LRP1B: variants seen among roughly 807,000 people sequenced by gnomAD.
The protein encoded by LRP1B is low-density lipoprotein receptor-related protein 1B.
Under a neutral mutation model 556.6 loss-of-function variants are expected in LRP1B, and 217 were observed. The ratio of observed to expected loss-of-function variants is 0.39; its 90% CI spans 0.35 to 0.44. The LOEUF (loss-of-function observed/expected upper bound fraction) is 0.44. Ranked by LOEUF, LRP1B falls within the 20% of genes least tolerant of loss-of-function variation. The pLI, the probability that LRP1B is intolerant of heterozygous loss-of-function variation, is 1.00. For missense variants in LRP1B, 5,053 were observed against 5,620.8 expected (o/e 0.90, Z 3.23); for synonymous variants, 2,047 against 1,865.8 (o/e 1.10, Z -2.50).
At chr2:140,882,105 T>A (rs1445989603) in intron 25 of LRP1B, among the ~76,000 whole-genome samples, 1 of 152,188 alleles carries the variant, frequency 6.6e-6, no homozygotes, top group East Asian at 1.9e-4. Flanking sequence ...GTATACATGC[T>A]AGGACTACAA....
intron 35 of LRP1B, among the ~76,000 whole-genome samples, chr2:140,754,590 G>T (rs963248715): frequency 2.0e-5 from 3 of 151,832 alleles, no homozygotes; most frequent in Non-Finnish European, 2.9e-5. Context: ...AGTCAAAAAA[G>T]AAATCACAAG....
intron 66 of LRP1B, among the ~76,000 whole-genome samples, chr2:140,394,499 A>G (rs1684167834): frequency 6.6e-6 from 1 of 152,280 alleles, no homozygotes; most frequent in African/African-American, 2.4e-5. Flanking sequence ...AGCTCAAGAC[A>G]TAACTTTGCA....
intron 2 of LRP1B, among the ~76,000 whole-genome samples, chr2:141,663,920 C>CAAAAAAAAA (rs796406816): frequency 2.6e-5 from 3 of 113,306 alleles, no homozygotes; most frequent in African/African-American, 6.0e-5. Context: ...AGAGATACAT[C>CAAAAAAAAA]AAAAAAAAAA....
intron 3 of LRP1B, among the ~76,000 whole-genome samples, chr2:141,256,242 A>G (rs1460320218): frequency 5.9e-5 from 9 of 152,020 alleles, no homozygotes; most frequent in African/African-American, 1.9e-4. Flanking sequence ...TGGATAGACA[A>G]AATTAATGAG....
chr2:141,289,074 T>C (rs914224452), intron 3 of LRP1B, among the ~76,000 whole-genome samples: 2 of 148,398 alleles, frequency 1.3e-5, no homozygotes, highest in African/African-American at 5.0e-5. Flanking sequence ...AAATAAGTAG[T>C]TGTAGATCTC....
intron 7 of LRP1B, among the ~76,000 whole-genome samples, chr2:141,128,966 A>G (rs1207946751): frequency 6.6e-6 from 1 of 152,194 alleles, no homozygotes; most frequent in Non-Finnish European, 1.5e-5. Flanking sequence ...AAAGAAAAAT[A>G]CTTTTATATG....
rs2105187342 is a variant in LRP1B at position 140,883,946 on chromosome 2, C to T, written c.4040G>A (p.Gly1347Glu). 1 of 1,613,608 alleles carries T rather than the reference C, an allele frequency of 6.2e-7. No individual in the cohort carries two copies. Reference sequence around the variant, plus strand: ...ATTGCTGTCTATCCAGTATATGTTTCCTGCTATCCAGTCGACTGTCAGGCC... The same window carrying T: ...ATTGCTGTCTATCCAGTATATGTTTTCTGCTATCCAGTCGACTGTCAGGCC... The part of the protein sequence containing the change: ...PEGLTVDWIA[G>E]NIYWIDSNLD... Residue 1347 changes from glycine to glutamate, a missense_variant, in exon 25 of 91, where the codon GGA (glycine) becomes GAA (glutamate). Transcript: ENST00000389484.
intron 2 of LRP1B, among the ~76,000 whole-genome samples, chr2:141,679,397 T>C (rs1691024084): frequency 6.6e-6 from 1 of 152,258 alleles, no homozygotes; most frequent in African/African-American, 2.4e-5. Flanking sequence ...AAATAACAAA[T>C]CTAGGAACCA....
chr2:141,061,695 C>T (rs1699340594), intron 8 of LRP1B, among the ~76,000 whole-genome samples: 1 of 151,828 alleles, frequency 6.6e-6, no homozygotes, highest in Admixed American at 6.6e-5. Context: ...GATAGTCCAG[C>T]TCCTCATGAA....
chr2:140,689,184 C>G (rs564640343), intron 41 of LRP1B, among the ~76,000 whole-genome samples: 1 of 152,190 alleles, frequency 6.6e-6, no homozygotes, highest in South Asian at 2.1e-4. Context: ...TGCAACCTAA[C>G]TTCATAGGTA....
intron 32 of LRP1B, among the ~76,000 whole-genome samples, chr2:140,790,028 G>C (rs62173599): frequency 0.43 from 64,994 of 151,696 alleles, 15,657 homozygotes; most frequent in East Asian, 0.66. Context: ...TGCTCAAATA[G>C]CATCTTCTCA....
chr2:140,799,036 T>A (rs990574771), intron 32 of LRP1B, among the ~76,000 whole-genome samples: 2 of 152,190 alleles, frequency 1.3e-5, no homozygotes, highest in South Asian at 2.1e-4. Context: ...TTAAAAAATA[T>A]ATAATTAATT....
chr2:141,233,433 T>C (rs1573689846), intron 5 of LRP1B, among the ~76,000 whole-genome samples: 1 of 152,212 alleles, frequency 6.6e-6, no homozygotes. Context: ...TGTATGATCA[T>C]AAATGATTTG....
intron 7 of LRP1B, among the ~76,000 whole-genome samples, chr2:141,114,815 T>C (rs969463175): frequency 2.0e-5 from 3 of 152,076 alleles, no homozygotes; most frequent in African/African-American, 7.2e-5. Flanking sequence ...CGTAATTAAG[T>C]GTGTGGGTGC....
At chr2:141,204,483 A>G (rs1238793521) in intron 6 of LRP1B, among the ~76,000 whole-genome samples, 1 of 152,194 alleles carries the variant, frequency 6.6e-6, no homozygotes, top group Non-Finnish European at 1.5e-5. Context: ...GTAGCCTAGG[A>G]CTAGTCCAAA....
chr2:141,531,204 T>C (rs1684859556), intron 2 of LRP1B, among the ~76,000 whole-genome samples: 1 of 152,054 alleles, frequency 6.6e-6, no homozygotes, highest in African/African-American at 2.4e-5. Flanking sequence ...GTTAGGCAGA[T>C]GGTAGCAAAC....
At chr2:140,675,624 A>C (rs533041885) in intron 41 of LRP1B, among the ~76,000 whole-genome samples, 88 of 152,186 alleles carry the variant, frequency 5.8e-4, no homozygotes, top group Admixed American at 3.9e-3. Flanking sequence ...TAAAAAAACA[A>C]AAAAAATAGC....
At chr2:140,532,258 T>C (rs1460593940) in intron 47 of LRP1B, among the ~76,000 whole-genome samples, 2 of 152,174 alleles carry the variant, frequency 1.3e-5, no homozygotes, top group Admixed American at 6.6e-5. Context: ...TTTGATTATA[T>C]TTGGCCTGCT....
chr2:141,214,896 G>A (rs114907199), intron 6 of LRP1B, among the ~76,000 whole-genome samples: 209 of 152,248 alleles, frequency 1.4e-3, no homozygotes, highest in African/African-American at 4.3e-3. Flanking sequence ...AATGTCTAAG[G>A]TCATGATTTG....
Sources: gnomAD v4.1 joint callset for allele counts (sites outside exome capture counted in the v4.1 genomes callset) on GRCh38, gnomAD v4.1.1 for gene constraint, MANE v1.5 for transcripts, NCBI Gene and HGNC (gene_info 2026-07-23, HGNC 2026-07-21) for gene names.